The following LRBA variants were observed in gnomAD, a reference collection of about 807,000 sequenced individuals.
LRBA encodes the protein LPS responsive beige-like anchor protein.
In LRBA, 176 loss-of-function variants were observed where a neutral mutation model predicts 330.0. That is an observed-to-expected ratio of 0.53 (90% CI 0.47 to 0.60). The LOEUF is 0.60. Among genes scored for constraint, LRBA ranks in the 20% least tolerant of loss-of-function variants. The probability of loss-of-function intolerance (pLI) is 0.00; values close to 1 mark genes in which losing one functional copy is unlikely to be tolerated. For missense variants in LRBA, 3,259 were observed against 3,444.8 expected (o/e 0.95, Z 1.35); for synonymous variants, 1,230 against 1,193.0 (o/e 1.03, Z -0.64).
At chr4:150,893,200 G>A (rs1196390263) in intron 16 of LRBA, 51 bp from the exon 17 acceptor site, 1 of 927,660 alleles carries the variant, frequency 1.1e-6, no homozygotes, top group African/African-American at 1.7e-5. Flanking sequence ...AAACAACTTA[G>A]TTGAATAATG....
chr4:150,766,342 TA>T (rs1156896762), intron 34 of LRBA, among the ~76,000 whole-genome samples: 1 of 152,078 alleles, frequency 6.6e-6, no homozygotes, highest in East Asian at 1.9e-4. Flanking sequence ...AAATGCCAGA[TA>T]TACAAATGCA....
chr4:150,899,052 G>T (rs935368046), intron 14 of LRBA, among the ~76,000 whole-genome samples: 3 of 152,116 alleles, frequency 2.0e-5, no homozygotes, highest in Non-Finnish European at 4.4e-5. Context: ...TTAATTTCAA[G>T]CAACAGCTCT....
intron 40 of LRBA, among the ~76,000 whole-genome samples, chr4:150,508,487 C>A (rs940332347): frequency 2.0e-5 from 3 of 152,080 alleles, no homozygotes; most frequent in Non-Finnish European, 2.9e-5. Flanking sequence ...CGGGGTTTCA[C>A]CATGTTGGCT....
At chr4:150,458,799 A>T (rs1465562941) in intron 44 of LRBA, among the ~76,000 whole-genome samples, 43 of 148,608 alleles carry the variant, frequency 2.9e-4, no homozygotes, top group African/African-American at 1.0e-3. Flanking sequence ...TTTTTTTTTA[A>T]AAAAACACTT....
intron 40 of LRBA, among the ~76,000 whole-genome samples, chr4:150,500,733 A>T (rs1374383905): frequency 6.6e-6 from 1 of 152,228 alleles, no homozygotes; most frequent in Non-Finnish European, 1.5e-5. Flanking sequence ...AGCTACTTAA[A>T]CAAATTAAAG....
At chr4:150,691,875 C>CA (rs1784171323) in intron 36 of LRBA, among the ~76,000 whole-genome samples, 1 of 152,012 alleles carries the variant, frequency 6.6e-6, no homozygotes, top group Admixed American at 6.5e-5. Context: ...ATAATACACA[C>CA]AACAATGTGA....
chr4:150,397,930 T>C (rs1391749172), intron 47 of LRBA, among the ~76,000 whole-genome samples: 5 of 152,182 alleles, frequency 3.3e-5, no homozygotes, highest in African/African-American at 1.2e-4. Flanking sequence ...ATTATCCTTC[T>C]AAAAATCTAA....
intron 47 of LRBA, among the ~76,000 whole-genome samples, chr4:150,355,580 C>T (rs1250670588): frequency 1.3e-5 from 2 of 152,134 alleles, no homozygotes; most frequent in East Asian, 3.9e-4. Context: ...TTCTGCACAC[C>T]TGTACCACTA....
At chr4:150,397,528 T>C (rs999595044) in intron 47 of LRBA, among the ~76,000 whole-genome samples, 16 of 152,194 alleles carry the variant, frequency 1.1e-4, no homozygotes, top group African/African-American at 3.6e-4. Flanking sequence ...TCCTCCTCCC[T>C]TGGCCTCCCA....
intron 2 of LRBA, among the ~76,000 whole-genome samples, chr4:150,938,023 C>T (rs1735265914): frequency 6.6e-6 from 1 of 150,716 alleles, no homozygotes; most frequent in Admixed American, 6.6e-5. Context: ...GGACAACTCA[C>T]TGGAAACTTG....
At chr4:150,374,560 T>C (rs1487782768) in intron 47 of LRBA, among the ~76,000 whole-genome samples, 4 of 152,190 alleles carry the variant, frequency 2.6e-5, no homozygotes, top group Non-Finnish European at 5.9e-5. Context: ...AGGTTGGGCA[T>C]ACCTAATCCA....
intron 36 of LRBA, among the ~76,000 whole-genome samples, chr4:150,708,639 A>G (rs1785873052): frequency 6.6e-6 from 1 of 151,954 alleles, no homozygotes; most frequent in African/African-American, 2.4e-5. Flanking sequence ...TCATTTTTGA[A>G]GCTTTATAGT....
chr4:150,428,158 T>A lies in LRBA; in HGVS notation c.7041+7431A>T, dbSNP rs540656680. 2.6e-5 allele frequency among the ~76,000 whole-genome samples: 4 copies of A among 152,208 alleles called. No homozygotes were observed. The South Asian group carries it at 6.2e-4, about 24-fold the overall frequency. ...ATATTACTGCATAGTCATTTATTTT[T>A]AAAATAATATTTAGTATCTCTTAGG... On this transcript the variant is annotated intron_variant, in intron 46 of 56. Transcript: ENST00000651943.
intron 40 of LRBA, among the ~76,000 whole-genome samples, chr4:150,498,692 G>A (rs1364592152): frequency 6.6e-6 from 1 of 151,946 alleles, no homozygotes; most frequent in Non-Finnish European, 1.5e-5. Flanking sequence ...AGCTTTGAAG[G>A]TACCTTTTAA....
chr4:150,900,723 T>C (rs867274319), intron 13 of LRBA, among the ~76,000 whole-genome samples: 4 of 152,008 alleles, frequency 2.6e-5, no homozygotes, highest in African/African-American at 4.8e-5. Context: ...GAAAAAGATA[T>C]AGAGTTTACC....
chr4:150,739,100 CTT>C (rs1390500695), intron 35 of LRBA, among the ~76,000 whole-genome samples: 1 of 151,938 alleles, frequency 6.6e-6, no homozygotes, highest in Non-Finnish European at 1.5e-5. Flanking sequence ...AGGTAATAAA[CTT>C]TTTTTAGTAT....
intron 44 of LRBA, among the ~76,000 whole-genome samples, chr4:150,463,725 T>A (rs537091078): frequency 2.0e-5 from 3 of 152,088 alleles, no homozygotes; most frequent in Admixed American, 2.0e-4. Flanking sequence ...ACAAATAAAA[T>A]TTGATTTTAA....
chr4:150,453,691 C>T (rs532217614), intron 44 of LRBA, among the ~76,000 whole-genome samples: 50 of 152,230 alleles, frequency 3.3e-4, no homozygotes, highest in African/African-American at 1.2e-3. Flanking sequence ...TATATATACA[C>T]GTACACTATC....
At chr4:150,382,622 CAAAA>C (rs112630500) in intron 47 of LRBA, among the ~76,000 whole-genome samples, 1 of 111,484 alleles carries the variant, frequency 9.0e-6, no homozygotes, top group Non-Finnish European at 1.9e-5. Flanking sequence ...GACTCTGTTT[CAAAA>C]AAAAAAAAAA....
Sources: allele counts gnomAD v4.1 joint callset (sites outside exome capture counted in the v4.1 genomes callset), GRCh38; gene constraint gnomAD v4.1.1; transcripts MANE v1.5; gene names NCBI Gene and HGNC (gene_info 2026-07-23, HGNC 2026-07-21).